The following ZNF503 variants were observed in gnomAD, a reference collection of about 807,000 sequenced individuals.
ZNF503 encodes the protein zinc finger protein 503, also known as NocA-like zinc finger 2.
A neutral mutation model predicts 34.4 loss-of-function variants in ZNF503; 15 were observed. The observed-to-expected ratio is 0.44, with a 90% CI of 0.29 to 0.67. The LOEUF (loss-of-function observed/expected upper bound fraction) is 0.67, where lower values mean the gene tolerates loss of function less well. Ranked by LOEUF, ZNF503 falls within the 30% of genes least tolerant of loss-of-function variation. The pLI is 0.13. For missense variants in ZNF503, 1,007 were observed against 926.8 expected (o/e 1.09, Z -1.12); for synonymous variants, 580 against 456.8 (o/e 1.27, Z -3.44).
the ZNF503 span, among the ~76,000 whole-genome samples, chr10:75,363,184 A>T: frequency 6.6e-6 from 1 of 152,164 alleles, no homozygotes; most frequent in Admixed American, 6.5e-5. Flanking sequence ...AGGAGGCTCC[A>T]GTCCACCTTT....
the ZNF503 span, among the ~76,000 whole-genome samples, chr10:75,329,449 TTCTTTCTTTCTC>T: frequency 1.9e-4 from 27 of 139,782 alleles, no homozygotes; most frequent in African/African-American, 4.9e-4. Flanking sequence ...CTTTCTTTCT[TTCTTTCTTTCTC>T]TTTCTTTCTT....
chr10:75,328,268 A>T, the ZNF503 span, among the ~76,000 whole-genome samples: 1 of 152,188 alleles, frequency 6.6e-6, no homozygotes, highest in East Asian at 1.9e-4. Flanking sequence ...TTAATTTTTT[A>T]TATGGTGAGA....
chr10:75,319,575 C>T, the ZNF503 span, among the ~76,000 whole-genome samples: 4 of 151,878 alleles, frequency 2.6e-5, no homozygotes, highest in Admixed American at 6.6e-5. Flanking sequence ...GAAGGCAAGA[C>T]AGAAAAGAGA....
At chr10:75,283,851 G>C in the ZNF503 span, 1 of 152,194 alleles carries the variant, frequency 6.6e-6, no homozygotes, top group Non-Finnish European at 1.5e-5. Context: ...TATGGACACC[G>C]AGTGAACTCC....
At chr10:75,394,316 G>A (rs1843673977), downstream of ZNF503, among the ~76,000 whole-genome samples, 1 of 152,216 alleles carries the variant, frequency 6.6e-6, no homozygotes, top group South Asian at 2.1e-4. Flanking sequence ...TAAGTGGGAT[G>A]ATACAGGATC....
At chr10:75,306,924 C>T in the ZNF503 span, among the ~76,000 whole-genome samples, 6 of 152,136 alleles carry the variant, frequency 3.9e-5, no homozygotes, top group African/African-American at 1.4e-4. Flanking sequence ...ATTCCCCTAT[C>T]TCTTTCCCTT....
chr10:75,293,717 G>T, the ZNF503 span, among the ~76,000 whole-genome samples: 2 of 151,914 alleles, frequency 1.3e-5, no homozygotes, highest in Non-Finnish European at 2.9e-5. Context: ...GTTTTGGAAA[G>T]TCAAGGAGTT....
At chr10:75,304,032 C>A in the ZNF503 span, among the ~76,000 whole-genome samples, 3 of 152,058 alleles carry the variant, frequency 2.0e-5, no homozygotes, top group Non-Finnish European at 4.4e-5. Context: ...TGGGGTTTCA[C>A]CATGTTGGCC....
the ZNF503 span, among the ~76,000 whole-genome samples, chr10:75,362,486 C>T: frequency 6.6e-6 from 1 of 152,078 alleles, no homozygotes; most frequent in African/African-American, 2.4e-5. Context: ...CACCCACTCA[C>T]CCTTTGGGTC....
At chr10:75,327,264 A>C in the ZNF503 span, among the ~76,000 whole-genome samples, 1 of 104,258 alleles carries the variant, frequency 9.6e-6, no homozygotes, top group African/African-American at 3.9e-5. Flanking sequence ...ACCCTTCCCT[A>C]CCCTTAGGAA....
the ZNF503 span, among the ~76,000 whole-genome samples, chr10:75,376,365 T>G: frequency 1.3e-5 from 2 of 152,066 alleles, no homozygotes; most frequent in Non-Finnish European, 2.9e-5. Context: ...TACCTGAGAC[T>G]GGGCATGGTG....
At chr10:75,334,184 G>T in the ZNF503 span, among the ~76,000 whole-genome samples, 1 of 151,570 alleles carries the variant, frequency 6.6e-6, no homozygotes, top group African/African-American at 2.4e-5. Context: ...GGCCAAGGCA[G>T]GCGGCTGCTC....
At position 75,398,483 on chromosome 10, in the gene ZNF503, CTTT is replaced by C. The variant is rs921742982; in HGVS notation, c.*263_*265del. 6 of 356,114 alleles carry C rather than the reference CTTT, an allele frequency of 1.7e-5. No homozygotes were observed. Among genetic ancestry groups the C allele is most frequent in the African/African-American group, 8.4e-5 (4 of 47,374 alleles). 22.1% of individuals were successfully genotyped at this position (356,114 alleles called of 1,614,324 possible). ...TGAACACTTTCTCAATTATTTTTTC[CTTT>C]TTTTTTCTATAAAAAGTCAAATGAT... On this transcript the variant is annotated 3_prime_UTR_variant, in exon 2 of 2. Transcript: ENST00000372524.
At chr10:75,297,780 A>T in the ZNF503 span, among the ~76,000 whole-genome samples, 1 of 152,232 alleles carries the variant, frequency 6.6e-6, no homozygotes, top group Non-Finnish European at 1.5e-5. Flanking sequence ...CAGCTCAATG[A>T]ATTTTCACAA....
chr10:75,381,805 CTTTTTTTTTTTTTT>C, the ZNF503 span, among the ~76,000 whole-genome samples: 322 of 38,666 alleles, frequency 8.3e-3, 3 homozygotes, highest in African/African-American at 0.011. Context: ...GAACCTAATT[CTTTTTTTTTTTTTT>C]TTTTTTTTTT....
chr10:75,285,284 GA>G, the ZNF503 span, among the ~76,000 whole-genome samples: 5 of 152,214 alleles, frequency 3.3e-5, no homozygotes, highest in African/African-American at 1.2e-4. Context: ...CAGGTAGTGA[GA>G]AATTGAACCC....
the ZNF503 span, among the ~76,000 whole-genome samples, chr10:75,324,319 TG>T: frequency 2.8e-5 from 3 of 108,410 alleles, no homozygotes; most frequent in African/African-American, 9.3e-5. Flanking sequence ...TTTGTTTGTT[TG>T]TTTTTCTGTT....
At chr10:75,320,084 G>A in the ZNF503 span, among the ~76,000 whole-genome samples, 1 of 152,134 alleles carries the variant, frequency 6.6e-6, no homozygotes, top group Non-Finnish European at 1.5e-5. Flanking sequence ...CATTTCATGA[G>A]GCTGGTATTA....
the ZNF503 span, among the ~76,000 whole-genome samples, chr10:75,284,243 A>G: frequency 1.3e-5 from 2 of 152,180 alleles, no homozygotes; most frequent in Admixed American, 6.5e-5. Flanking sequence ...GATCTCTGAC[A>G]TACCTTCTGC....
Sources: gnomAD v4.1 joint callset for allele counts (sites outside exome capture counted in the v4.1 genomes callset) on GRCh38, gnomAD v4.1.1 for gene constraint, MANE v1.5 for transcripts, NCBI Gene and HGNC (gene_info 2026-07-23, HGNC 2026-07-21) for gene names.